Variants in POLI observed in about 807,000 individuals in gnomAD.
The protein encoded by POLI is RAD30 homolog B.
In POLI, 58 loss-of-function variants were observed where a neutral mutation model predicts 51.6. The ratio of observed to expected loss-of-function variants is 1.12; its 90% CI spans 0.91 to 1.40. POLI has a LOEUF of 1.40. Ranked by LOEUF, POLI falls within the 40% of genes most tolerant of loss-of-function variation. The probability of loss-of-function intolerance (pLI) is 0.00; values close to 1 mark genes in which losing one functional copy is unlikely to be tolerated. For missense variants in POLI, 921 were observed against 871.3 expected, an observed-to-expected ratio of 1.06 and a Z score of -0.72; for synonymous variants, 322 against 299.7, an observed-to-expected ratio of 1.07 and a Z score of -0.77.
chr18:54,274,748 G>A (rs2087164558), intron 3 of POLI: 1 of 152,026 alleles, frequency 6.6e-6, no homozygotes, highest in South Asian at 2.1e-4. Flanking sequence ...TGCGAAAACC[G>A]CAATTACTTA....
chr18:54,278,924 T>G (rs1364838300), intron 4 of POLI, among the ~76,000 whole-genome samples: 1 of 152,238 alleles, frequency 6.6e-6, no homozygotes, highest in Non-Finnish European at 1.5e-5. Flanking sequence ...AGAATAGTTC[T>G]CCACAGAAGA....
chr18:54,300,258 G>C (rs1466738238), downstream of POLI, among the ~76,000 whole-genome samples: 1 of 151,848 alleles, frequency 6.6e-6, no homozygotes, highest in African/African-American at 2.4e-5. Flanking sequence ...ATATATTGTA[G>C]GATTACAATA....
In POLI at chr18:54,304,206, T is replaced by A. The variant is rs866002067; in HGVS notation, c.334-16067T>A. Among the ~76,000 whole-genome samples the A allele has an allele frequency of 3.3e-5, 5 of 152,214 alleles. No individual in the cohort carries two copies. The South Asian group carries it at 6.2e-4, about 19-fold the overall frequency. ...TCCAAGTTTTTGCTATAGTGAGTAG[T>A]GACACAATAAACATACATGTGCGTG... On this transcript the variant is annotated intron_variant, in intron 3 of 4. Transcript: ENST00000579823.
Position 54,297,121 on chromosome 18 carries a change from C to T in POLI, c.*2654C>T, listed in dbSNP as rs183643793. 3.1e-4 allele frequency: 301 copies of T among 985,312 alleles called. 3 individuals carry two copies. In the African/African-American group the frequency reaches 5.1e-3, roughly 17 times the overall value. The allele number at this position is 985,312 out of a possible 1,614,324, so 61.0% of individuals were successfully genotyped here. A position where few individuals can be genotyped will look rare whatever the true frequency, so the allele number is the denominator to read the frequency against. On this transcript the variant is annotated 3_prime_UTR_variant, in exon 10 of 10. Transcript: ENST00000579534. ...AATGCCTTGTCTTAAGTGTAAGCTC[C>T]CTGACCCTTACTACTAGCCGAAGGT...
intron 3 of POLI, among the ~76,000 whole-genome samples, chr18:54,305,340 A>C (rs1445365764): frequency 6.6e-6 from 1 of 152,168 alleles, no homozygotes; most frequent in Non-Finnish European, 1.5e-5. Context: ...TGAATCTATA[A>C]ATTACCTTTG....
chr18:54,314,500 G>A (rs182264016), intron 3 of POLI, among the ~76,000 whole-genome samples: 5 of 152,150 alleles, frequency 3.3e-5, no homozygotes, highest in Admixed American at 3.3e-4. Context: ...ATGAGTTAGT[G>A]GGGAGTCCCT....
At chr18:54,314,544 G>A (rs1025021274) in intron 3 of POLI, among the ~76,000 whole-genome samples, 2 of 152,098 alleles carry the variant, frequency 1.3e-5, no homozygotes, top group Non-Finnish European at 2.9e-5. Flanking sequence ...GTTTCAGTAG[G>A]ATTGGTGCCA....
At chr18:54,281,836 C>T (rs1377301863) in intron 5 of POLI, among the ~76,000 whole-genome samples, 1 of 151,098 alleles carries the variant, frequency 6.6e-6, no homozygotes, top group East Asian at 1.9e-4. Context: ...AAATCTGTCA[C>T]TCTACTTTAA....
downstream of POLI, among the ~76,000 whole-genome samples, chr18:54,300,871 A>G (rs2088477808): frequency 6.6e-6 from 1 of 152,264 alleles, no homozygotes; most frequent in East Asian, 1.9e-4. Context: ...TTTCAAAATG[A>G]TAAACGAGTC....
At position 54,294,433 on chromosome 18, in the gene POLI, G is replaced by C. The variant is rs1482484628; in HGVS notation, c.2189G>C (p.Arg730Thr). ...AAGGAACTGCTGGCAGAGTGGAAGAGAGCAGGATCAGATTTCCACATTGGA... is the reference window on the plus strand; with the variant it reads ...AAGGAACTGCTGGCAGAGTGGAAGACAGCAGGATCAGATTTCCACATTGGA... ...VQKELLAEWK[R>T]AGSDFHIGHK Residue 730 changes from arginine to threonine, a missense_variant, in exon 10 of 10, where the codon AGA becomes ACA. Arg to Thr is a moderately conservative substitution (Grantham distance 71). Coordinates refer to ENST00000579534, the MANE Select transcript of POLI (RefSeq NM_007195.3). 1.2e-6 allele frequency: 2 copies of C among 1,608,386 alleles called. No homozygotes were observed. The highest frequency in any genetic ancestry group is 2.7e-5 in the African/African-American group (2 of 74,674).
In POLI at chr18:54,295,940, T is replaced by A; in HGVS notation, c.*1473T>A. ...TTGCTCCTGGCCCCAGCTCTGAAAT[T>A]TTAACTTAGTTTTGGATTCCTTGGA... is the stretch of plus-strand genomic sequence containing the variant. On this transcript the variant is annotated 3_prime_UTR_variant, in exon 10 of 10. Transcript: ENST00000579534. 1 of 985,222 alleles carries A rather than the reference T, an allele frequency of 1.0e-6. No homozygotes were observed. The highest frequency in any genetic ancestry group is 1.2e-6 in the Non-Finnish European group (1 of 829,752). The allele number at this position is 985,222 out of a possible 1,614,324, so 61.0% of individuals were successfully genotyped here. A position where few individuals can be genotyped will look rare whatever the true frequency, so the allele number is the denominator to read the frequency against.
chr18:54,291,889 A>G lies in POLI; in HGVS notation c.1255A>G (p.Met419Val), dbSNP rs142168361. 2.5e-3 allele frequency: 3,951 copies of G among 1,609,340 alleles called. 9 individuals carry two copies. Among genetic ancestry groups the G allele is most frequent in the Non-Finnish European group, 3.1e-3 (3,609 of 1,176,218 alleles). Residue 419 changes from methionine to valine, a missense_variant, in exon 9 of 10, where the codon ATG becomes GTG. Met to Val is a conservative substitution (Grantham distance 21). Coordinates refer to ENST00000579534, the MANE Select transcript of POLI (RefSeq NM_007195.3). ...TATACTTATGAAACTTTTTCGAAAT[A>G]TGGTGAATGTGAAGATGCCATTTCA... The part of the protein sequence containing the change: ...VDILMKLFRN[M>V]VNVKMPFHLT...
intron 2 of POLI, among the ~76,000 whole-genome samples, chr18:54,273,069 C>CT: frequency 6.6e-6 from 1 of 152,012 alleles, no homozygotes; most frequent in Non-Finnish European, 1.5e-5. Context: ...GAACATTACT[C>CT]TTACAGTGGT....
chr18:54,285,658 C>G (rs1020662362), intron 7 of POLI, among the ~76,000 whole-genome samples: 2 of 152,020 alleles, frequency 1.3e-5, no homozygotes, highest in African/African-American at 4.8e-5. Context: ...ATCCTCTAGG[C>G]ACTAGTTTAA....
intron 3 of POLI, among the ~76,000 whole-genome samples, chr18:54,275,866 G>A (rs888515080): frequency 6.6e-6 from 1 of 152,076 alleles, no homozygotes; most frequent in Non-Finnish European, 1.5e-5. Context: ...ATTTTTCTGA[G>A]TTGAAGTAGG....
In POLI at chr18:54,297,825, A is replaced by G; in HGVS notation, c.*3358A>G. On this transcript the variant is annotated 3_prime_UTR_variant, in exon 10 of 10. Coordinates refer to ENST00000579534, the MANE Select transcript of POLI (RefSeq NM_007195.3). Reference sequence around the variant, plus strand: ...AATCTCCAAATTGGATATTATTAGTATTTTATATAGTCAATGTTTATTTTT... The same window carrying G: ...AATCTCCAAATTGGATATTATTAGTGTTTTATATAGTCAATGTTTATTTTT... 1.0e-6 allele frequency: 1 copy of G among 969,064 alleles called. No homozygotes were observed. The highest frequency in any genetic ancestry group is 5.3e-4 in the Middle Eastern group (1 of 1,890). 60.0% of individuals were successfully genotyped at this position (969,064 alleles called of 1,614,324 possible).
chr18:54,310,930 T>TA (rs970313384), intron 3 of POLI, among the ~76,000 whole-genome samples: 3 of 151,790 alleles, frequency 2.0e-5, no homozygotes, highest in African/African-American at 4.8e-5. Context: ...CTCTTTTTAT[T>TA]AAAAAAAAGT....
At chr18:54,318,360 T>A (rs1053676985) in intron 3 of POLI, among the ~76,000 whole-genome samples, 9 of 152,208 alleles carry the variant, frequency 5.9e-5, no homozygotes, top group African/African-American at 2.2e-4. Context: ...TGAACCACTG[T>A]CATTGGATAA....
In POLI at chr18:54,296,914, C is replaced by T. The variant is rs1399959865; in HGVS notation, c.*2447C>T. The stretch of plus-strand genomic sequence containing the variant: ...AATATTTTAAGTCTTTATAAGTCTA[C>T]ATTTAAGGTTATTATTGCATATCAT... On this transcript the variant is annotated 3_prime_UTR_variant, in exon 10 of 10. Coordinates refer to ENST00000579534, the MANE Select transcript of POLI (RefSeq NM_007195.3). The T allele has an allele frequency of 3.1e-6, 3 of 956,726 alleles. No individual in the cohort carries two copies. The highest frequency in any genetic ancestry group is 3.7e-6 in the Non-Finnish European group (3 of 804,076). The allele number at this position is 956,726 out of a possible 1,614,324, so 59.3% of individuals were successfully genotyped here. A position where few individuals can be genotyped will look rare whatever the true frequency, so the allele number is the denominator to read the frequency against.
Sources: gnomAD v4.1 joint callset for allele counts (sites outside exome capture counted in the v4.1 genomes callset) on GRCh38, gnomAD v4.1.1 for gene constraint, MANE v1.5 for transcripts, NCBI Gene and HGNC (gene_info 2026-07-23, HGNC 2026-07-21) for gene names.